The following CTNND1 variants were observed in gnomAD, a reference collection of about 807,000 sequenced individuals.
CTNND1 encodes the protein catenin delta 1, also known as catenin delta-1.
Under a neutral mutation model 112.1 loss-of-function variants are expected in CTNND1, and 16 were observed. The ratio of observed to expected loss-of-function variants is 0.14; its 90% CI spans 0.10 to 0.22. The LOEUF is 0.22. Among genes scored for constraint, CTNND1 ranks in the 10% least tolerant of loss-of-function variants. CTNND1 has a pLI of 1.00. For synonymous variants in CTNND1, 420 were observed against 446.5 expected (o/e 0.94, Z 0.75); for missense variants, 1,008 against 1,257.0 (o/e 0.80, Z 3.00).
chr11:57,785,887 AGC>A (rs2060078388), intron 1 of CTNND1, among the ~76,000 whole-genome samples: 1 of 151,768 alleles, frequency 6.6e-6, no homozygotes, highest in African/African-American at 2.4e-5. Flanking sequence ...CTATCTGGTT[AGC>A]ACTGTCTAGT....
intron 8 of CTNND1, 108 bp from the exon 9 acceptor site, chr11:57,804,555 T>A: frequency 1.3e-6 from 1 of 798,390 alleles, no homozygotes. Context: ...AGGTATTTAC[T>A]ATTACAGTGA....
chr11:57,806,864 T>C, intron 11 of CTNND1, 51 bp from the exon 12 acceptor site: 1 of 1,464,482 alleles, frequency 6.8e-7, no homozygotes, highest in Non-Finnish European at 9.4e-7. Flanking sequence ...GTGGAATCTT[T>C]TCTTTTTTAA....
At chr11:57,790,216 C>T (rs982430669) in intron 2 of CTNND1, among the ~76,000 whole-genome samples, 12 of 151,894 alleles carry the variant, frequency 7.9e-5, no homozygotes, top group African/African-American at 2.9e-4. Flanking sequence ...ATTACAGGTG[C>T]CTACCACCAT....
At chr11:57,789,956 T>C (rs1191013471) in intron 2 of CTNND1, among the ~76,000 whole-genome samples, 1 of 152,222 alleles carries the variant, frequency 6.6e-6, no homozygotes, top group Admixed American at 6.5e-5. Flanking sequence ...CTTTTTTACA[T>C]GTAGAGTTTT....
chr11:57,769,981 T>C (rs1213114299), intron 1 of CTNND1, among the ~76,000 whole-genome samples: 1 of 152,230 alleles, frequency 6.6e-6, no homozygotes, highest in African/African-American at 2.4e-5. Flanking sequence ...CTTTCTATGT[T>C]GTTCTATGTT....
At chr11:57,811,530 G>A (rs187316867) in intron 17 of CTNND1, 44 bp downstream of exon 17, 4 of 1,331,976 alleles carry the variant, frequency 3.0e-6, no homozygotes, top group Middle Eastern at 1.8e-4. Flanking sequence ...AGCCACTCTT[G>A]CTGTTCTAGG....
At position 57,788,454 on chromosome 11, in the gene CTNND1, T is replaced by G. The variant is rs1049431324; in HGVS notation, c.-213-583T>G. On this transcript the variant is annotated intron_variant, in intron 1 of 20. Coordinates refer to ENST00000399050, the MANE Select transcript of CTNND1 (RefSeq NM_001085458.2). This position sits in a 1 kb window ranked among gnomAD's most constrained non-coding sequence, Gnocchi z 4.1. ...TATTGGACACTTACTTATCAGTTCC[T>G]TTGGGTACTCTTGCTTGCTGACTTC... Among the ~76,000 whole-genome samples the G allele has an allele frequency of 6.6e-6, 1 of 152,180 alleles. No individual in the cohort carries two copies. Among genetic ancestry groups the G allele is most frequent in the Non-Finnish European group, 1.5e-5 (1 of 68,030 alleles).
intron 20 of CTNND1, 122 bp from the exon 21 acceptor site, chr11:57,816,175 C>A: frequency 7.7e-7 from 1 of 1,301,872 alleles, no homozygotes; most frequent in Non-Finnish European, 1.1e-6. Flanking sequence ...GGACATGCAG[C>A]TGGTGATCTG....
intron 1 of CTNND1, among the ~76,000 whole-genome samples, chr11:57,779,547 C>T (rs141573956): frequency 7.2e-4 from 109 of 152,310 alleles, no homozygotes; most frequent in Admixed American, 1.4e-3. Flanking sequence ...AGGACAGCTG[C>T]CCTAGAGGCA....
At chr11:57,797,117 T>A in intron 6 of CTNND1, 125 bp downstream of exon 6, 1 of 755,242 alleles carries the variant, frequency 1.3e-6, no homozygotes, top group Non-Finnish European at 1.8e-6. Flanking sequence ...CTCTGCTTTT[T>A]TTTGGGGTGA....
At position 57,819,167 on chromosome 11, in the gene CTNND1, A is replaced by G. The variant is rs2064122445; in HGVS notation, c.*2859A>G. ...GCCCAAATCTTTAGATTAAAATTAT[A>G]TAGCTGCTCCTGATGATGGTCCTGT... On this transcript the variant is annotated 3_prime_UTR_variant, in exon 21 of 21. Coordinates refer to ENST00000399050, the MANE Select transcript of CTNND1 (RefSeq NM_001085458.2). 6.6e-6 allele frequency: 1 copy of G among 152,216 alleles called. No homozygotes were observed. Among genetic ancestry groups the G allele is most frequent in the Non-Finnish European group, 1.5e-5 (1 of 68,040 alleles). 9.4% of individuals were successfully genotyped at this position (152,216 alleles called of 1,614,324 possible).
Position 57,802,109 on chromosome 11 carries a change from A to G in CTNND1, c.1333A>G (p.Ile445Val), listed in dbSNP as rs2062062622. 3 of 1,613,910 alleles carry G rather than the reference A, an allele frequency of 1.9e-6. No homozygotes were observed. The highest frequency in any genetic ancestry group is 2.5e-6 in the Non-Finnish European group (3 of 1,179,900). ...ISFGRDQDNK[I>V]AIKNCDGVPA... ...TTTTGGACGTGACCAGGATAACAAG[A>G]TTGCCATAAAAAACTGTGATGGTGT... Residue 445 changes from isoleucine to valine, a missense_variant, in exon 7 of 21, where the codon ATT becomes GTT. Transcript: ENST00000399050.
intron 1 of CTNND1, among the ~76,000 whole-genome samples, chr11:57,780,081 T>C (rs986465347): frequency 4.8e-5 from 5 of 103,312 alleles, no homozygotes; most frequent in African/African-American, 1.7e-4. Context: ...TGAGACAGGG[T>C]CTTACTCTGT....
chr11:57,808,564 T>C (rs367661098), intron 14 of CTNND1, 24 bp downstream of exon 14: 1 of 1,555,342 alleles, frequency 6.4e-7, no homozygotes, highest in Non-Finnish European at 8.7e-7. Context: ...TGCTAACTGT[T>C]ACCTCAAAAT....
rs1002823840 is a variant in CTNND1 at position 57,796,743 on chromosome 11, G to A, written c.707G>A (p.Arg236His). 10 of 1,613,500 alleles carry A rather than the reference G, an allele frequency of 6.2e-6. No individual in the cohort carries two copies. The highest frequency in any genetic ancestry group is 4.0e-5 in the African/African-American group (3 of 74,922). Reference sequence around the variant, plus strand: ...TATGGCAGTCTGTCCCGGGTGACCCGCATTGAGGAGCGGTATAGGCCCAGC... The same window carrying A: ...TATGGCAGTCTGTCCCGGGTGACCCACATTGAGGAGCGGTATAGGCCCAGC... ...DNYGSLSRVT[R>H]IEERYRPSME... is the part of the protein sequence containing the mutation. Residue 236 changes from arginine to histidine, a missense_variant, in exon 6 of 21, where the codon CGC becomes CAC. Arg to His is a conservative substitution (Grantham distance 29). Around this residue, in one of 5 missense-constraint regions of CTNND1, gnomAD observed 404 missense variants for 457.9 expected, o/e 0.88. Coordinates refer to ENST00000399050, the MANE Select transcript of CTNND1 (RefSeq NM_001085458.2).
chr11:57,789,042 T>A lies in CTNND1; in HGVS notation c.-208T>A. On this transcript the variant is annotated 5_prime_UTR_variant, in exon 2 of 21. Coordinates refer to ENST00000399050, the MANE Select transcript of CTNND1 (RefSeq NM_001085458.2). ...TCCTTCAAATATTTCTGCAGCTCTC[T>A]CCTTCCTGCTTCCTCCTTGCTGTGG... is the stretch of plus-strand genomic sequence containing the variant. 6.5e-7 allele frequency: 1 copy of A among 1,535,074 alleles called. No homozygotes were observed. Among genetic ancestry groups the A allele is most frequent in the Non-Finnish European group, 8.7e-7 (1 of 1,146,232 alleles).
intron 10 of CTNND1, among the ~76,000 whole-genome samples, 159 bp from the exon 11 acceptor site, chr11:57,806,302 G>C (rs2062655858): frequency 6.6e-6 from 1 of 151,862 alleles, no homozygotes; most frequent in Non-Finnish European, 1.5e-5. Context: ...AACTAATCTG[G>C]GACCTTCTTC....
intron 14 of CTNND1, 124 bp from the exon 15 acceptor site, chr11:57,809,150 G>C: frequency 1.5e-6 from 1 of 667,458 alleles, no homozygotes; most frequent in Non-Finnish European, 2.6e-6. Context: ...AATCCTATAG[G>C]ATAATGAAGT....
intron 1 of CTNND1, among the ~76,000 whole-genome samples, chr11:57,773,448 T>G (rs1953265054): frequency 6.6e-6 from 1 of 150,472 alleles, no homozygotes; most frequent in African/African-American, 2.4e-5. Flanking sequence ...GTACCTGAGA[T>G]TATGTTTTTT....
Sources: gnomAD v4.1 joint callset for allele counts (sites outside exome capture counted in the v4.1 genomes callset) on GRCh38, gnomAD v4.1.1 for gene constraint, gnomAD v4.1.1 regional missense constraint, Gnocchi (gnomAD v3.1) non-coding constraint, MANE v1.5 for transcripts, NCBI Gene and HGNC (gene_info 2026-07-23, HGNC 2026-07-21) for gene names.